The following CDCP2 variants were observed in gnomAD, a reference collection of about 807,000 sequenced individuals.
CDCP2 encodes the protein CUB domain containing protein 2.
Under a neutral mutation model 31.0 loss-of-function variants are expected in CDCP2, and 31 were observed. The observed-to-expected ratio is 1.00, with a 90% CI of 0.75 to 1.35. The LOEUF (loss-of-function observed/expected upper bound fraction) is 1.35, where lower values mean the gene tolerates loss of function less well. Among genes scored for constraint, CDCP2 ranks in the 40% most tolerant of loss-of-function variants. CDCP2 has a pLI of 0.00. For synonymous variants in CDCP2, 206 were observed against 207.9 expected (o/e 0.99, Z 0.08); for missense variants, 443 against 482.6 (o/e 0.92, Z 0.77).
chr1:54,139,666 G>C (rs916080473), intron 4 of CDCP2, 87 bp downstream of exon 4: 1 of 1,613,906 alleles, frequency 6.2e-7, no homozygotes, highest in African/African-American at 1.3e-5. Flanking sequence ...GGACAAACTG[G>C]TGGGATGGAG....
At chr1:54,133,922 C>CACAAAAAAA (rs58882302) in intron 5 of CDCP2, among the ~76,000 whole-genome samples, 1 of 148,576 alleles carries the variant, frequency 6.7e-6, no homozygotes, top group Admixed American at 6.7e-5. Context: ...ACAAAAAAAA[C>CACAAAAAAA]CCCATGTTAC....
intron 1 of CDCP2, 68 bp downstream of exon 1, chr1:54,152,776 T>A (rs1273070740): frequency 6.9e-7 from 1 of 1,454,288 alleles, no homozygotes; most frequent in African/African-American, 1.4e-5. Flanking sequence ...AGAAACTTCT[T>A]GAGCCCCTGG....
chr1:54,152,356 C>T lies in CDCP2; in HGVS notation c.79+488G>A, dbSNP rs12095521. ...GCACATGCCTGTAATCCCTGCTACT[C>T]GAGAGGCTGAGACAGGAGAATTGTT... On this transcript the variant is annotated intron_variant, in intron 1 of 5. Transcript: ENST00000530059. 6.6e-3 allele frequency among the ~76,000 whole-genome samples: 1,003 copies of T among 151,702 alleles called. 9 individuals carry two copies. Among genetic ancestry groups the T allele is most frequent in the African/African-American group, 0.023 (950 of 41,330 alleles).
At chr1:54,151,630 G>A (rs1659585924) in intron 1 of CDCP2, among the ~76,000 whole-genome samples, 1 of 152,166 alleles carries the variant, frequency 6.6e-6, no homozygotes, top group African/African-American at 2.4e-5. Flanking sequence ...TGAGATGCTT[G>A]GGTGCCCATC....
At chr1:54,148,018 T>G (rs76675385) in intron 1 of CDCP2, among the ~76,000 whole-genome samples, 3,557 of 147,398 alleles carry the variant, frequency 0.024, 59 homozygotes, top group South Asian at 0.035. Context: ...TCTCAAAATT[T>G]AAAAAAAAAA....
intron 4 of CDCP2, chr1:54,139,415 A>G (rs1005819458): frequency 1.1e-6 from 1 of 891,218 alleles, no homozygotes. Context: ...CAATATTACC[A>G]TATTTTGTCT....
At chr1:54,140,916 G>T in intron 3 of CDCP2, 182 bp downstream of exon 3, 2 of 479,400 alleles carry the variant, frequency 4.2e-6, no homozygotes, top group South Asian at 6.7e-5. Flanking sequence ...GTAAGTCTTC[G>T]CAGAGGTGAC....
At chr1:54,139,261 C>G (rs1335851543) in intron 4 of CDCP2, 3 of 481,142 alleles carry the variant, frequency 6.2e-6, no homozygotes, top group African/African-American at 5.9e-5. Flanking sequence ...GTGTTGAGCC[C>G]CTGGACCAAT....
intron 1 of CDCP2, among the ~76,000 whole-genome samples, chr1:54,148,491 A>C (rs966230643): frequency 5.9e-5 from 9 of 151,720 alleles, no homozygotes; most frequent in Admixed American, 5.9e-4. Context: ...ACTGATGTAG[A>C]CAAGTGTCAA....
Position 54,148,305 on chromosome 1 carries a change from A to C in CDCP2, c.80-3492T>G, listed in dbSNP as rs1659510684. 3.3e-5 allele frequency among the ~76,000 whole-genome samples: 5 copies of C among 151,192 alleles called. 1 individual carries two copies. Among genetic ancestry groups the C allele is most frequent in the African/African-American group, 1.2e-4 (5 of 40,748 alleles). ...GAGGCTGAGGCAGGAGGATCACTTGAACCCAGTATTTCAAGACCAGCCTAG... is the reference window on the plus strand; with the variant it reads ...GAGGCTGAGGCAGGAGGATCACTTGCACCCAGTATTTCAAGACCAGCCTAG... On this transcript the variant is annotated intron_variant, in intron 1 of 5. Coordinates refer to ENST00000530059, the Ensembl canonical transcript of CDCP2.
chr1:54,134,717 G>GT (rs948432209), intron 5 of CDCP2, among the ~76,000 whole-genome samples: 7 of 139,718 alleles, frequency 5.0e-5, no homozygotes, highest in African/African-American at 1.5e-4. Context: ...TTCTCATGTG[G>GT]TTTTTTTTGT....
At chr1:54,152,919 G>C in exon 1 of CDCP2, 1 of 1,614,120 alleles carries the variant, frequency 6.2e-7, no homozygotes, top group Non-Finnish European at 8.5e-7. Flanking sequence ...CACTCTGCCA[G>C]CATCTCCTCA....
intron 4 of CDCP2, chr1:54,138,080 C>G (rs978304621): frequency 6.6e-6 from 1 of 152,370 alleles, no homozygotes; most frequent in Non-Finnish European, 1.5e-5. Context: ...ACTCCTGCCC[C>G]GAAGCCCCTG....
chr1:54,138,715 C>T (rs918417986), intron 4 of CDCP2: 3 of 152,350 alleles, frequency 2.0e-5, no homozygotes, highest in South Asian at 2.1e-4. Flanking sequence ...GCTCTGGACT[C>T]CCCTCCCTCG....
intron 1 of CDCP2, among the ~76,000 whole-genome samples, chr1:54,148,058 C>G (rs3915626): frequency 0.72 from 109,523 of 151,404 alleles, 40,479 homozygotes; most frequent in East Asian, 0.85. Context: ...ACTTTCCAAG[C>G]CTTAATGAAA....
intron 1 of CDCP2, 62 bp downstream of exon 1, chr1:54,152,782 C>A: frequency 6.7e-7 from 1 of 1,492,346 alleles, no homozygotes; most frequent in Non-Finnish European, 9.3e-7. Context: ...TTCTTGAGCC[C>A]CTGGCTGTTG....
At chr1:54,140,461 T>C in intron 3 of CDCP2, 1 of 364,870 alleles carries the variant, frequency 2.7e-6, no homozygotes, top group Non-Finnish European at 5.2e-6. Flanking sequence ...TGCCTGGCCT[T>C]TCCCCTTTTC....
intron 3 of CDCP2, 127 bp downstream of exon 3, chr1:54,140,971 A>C: frequency 1.4e-6 from 1 of 732,192 alleles, no homozygotes; most frequent in Non-Finnish European, 2.1e-6. Context: ...AGAGCATTCC[A>C]GGCAGAGAGA....
chr1:54,141,026 T>G, intron 3 of CDCP2, 72 bp downstream of exon 3: 2 of 1,306,294 alleles, frequency 1.5e-6, no homozygotes, highest in Non-Finnish European at 2.1e-6. Context: ...GTGTGACCCC[T>G]GCAAGTGTAA....
Sources: allele counts gnomAD v4.1 joint callset (sites outside exome capture counted in the v4.1 genomes callset), GRCh38; gene constraint gnomAD v4.1.1; transcripts MANE v1.5; gene names NCBI Gene and HGNC (gene_info 2026-07-23, HGNC 2026-07-21).